The following SGCD variants were observed in gnomAD, a reference collection of about 807,000 sequenced individuals.
SGCD encodes the protein delta-sarcoglycan.
SGCD carries 18 observed loss-of-function variants against 36.6 expected under a neutral mutation model. That is an observed-to-expected ratio of 0.49 (90% CI 0.34 to 0.73). The LOEUF is 0.73. Ranked by LOEUF, SGCD falls within the 30% of genes least tolerant of loss-of-function variation. The pLI, the probability that SGCD is intolerant of heterozygous loss-of-function variation, is 0.01. For missense variants in SGCD, 387 were observed against 346.7 expected, an observed-to-expected ratio of 1.12 and a Z score of -0.92; for synonymous variants, 133 against 130.6, an observed-to-expected ratio of 1.02 and a Z score of -0.12.
At chr5:156,602,032 G>A (rs1761215511) in intron 6 of SGCD, among the ~76,000 whole-genome samples, 1 of 152,076 alleles carries the variant, frequency 6.6e-6, no homozygotes, top group Admixed American at 6.6e-5. Flanking sequence ...GAATGTTTTG[G>A]GTAGTATGGA....
intron 1 of SGCD, among the ~76,000 whole-genome samples, chr5:155,907,751 G>C (rs77632372): frequency 6.6e-6 from 1 of 152,130 alleles, no homozygotes; most frequent in African/African-American, 2.4e-5. Flanking sequence ...CCTACTCCTG[G>C]TGAGGATGCT....
the SGCD span, among the ~76,000 whole-genome samples, chr5:155,865,071 G>A: frequency 2.1e-5 from 3 of 141,642 alleles, no homozygotes; most frequent in Non-Finnish European, 3.1e-5. Flanking sequence ...ATTTATGTGG[G>A]TTATACATAG....
At chr5:156,356,104 C>T (rs1769478993) in intron 3 of SGCD, among the ~76,000 whole-genome samples, 1 of 152,180 alleles carries the variant, frequency 6.6e-6, no homozygotes, top group Non-Finnish European at 1.5e-5. Context: ...CATTTAATTA[C>T]TTAATGAATA....
intron 5 of SGCD, among the ~76,000 whole-genome samples, chr5:156,590,887 CTCT>C (rs1188024661): frequency 2.6e-5 from 4 of 151,554 alleles, no homozygotes; most frequent in Middle Eastern, 3.4e-3. Flanking sequence ...CTTCTCGTCT[CTCT>C]TCTTCTTCCT....
chr5:156,681,188 C>T (rs555879503), intron 7 of SGCD, among the ~76,000 whole-genome samples: 3 of 152,256 alleles, frequency 2.0e-5, no homozygotes, highest in East Asian at 1.9e-4. Flanking sequence ...TCAGGTCACA[C>T]GAACTGTTTG....
chr5:155,772,094 G>A, the SGCD span, among the ~76,000 whole-genome samples: 1 of 152,118 alleles, frequency 6.6e-6, no homozygotes, highest in African/African-American at 2.4e-5. Context: ...TGGGAAGTAG[G>A]GCTGGCAGTA....
intron 1 of SGCD, among the ~76,000 whole-genome samples, chr5:156,027,229 A>C (rs533601113): frequency 1.1e-4 from 17 of 152,310 alleles, no homozygotes; most frequent in African/African-American, 1.4e-4. Context: ...TGATATTCCA[A>C]ACTCTTCTTC....
chr5:155,729,047 G>T, the SGCD span, among the ~76,000 whole-genome samples: 2 of 152,232 alleles, frequency 1.3e-5, no homozygotes, highest in African/African-American at 4.8e-5. Flanking sequence ...TTGCATGGAC[G>T]GCAAAGAGAC....
At chr5:156,142,356 T>C (rs925904816) in intron 3 of SGCD, among the ~76,000 whole-genome samples, 1 of 152,204 alleles carries the variant, frequency 6.6e-6, no homozygotes, top group African/African-American at 2.4e-5. Flanking sequence ...AACAGACTAA[T>C]ACAGAAAATT....
At chr5:155,752,752 C>T in the SGCD span, among the ~76,000 whole-genome samples, 2 of 152,166 alleles carry the variant, frequency 1.3e-5, no homozygotes, top group Non-Finnish European at 2.9e-5. Context: ...TAGTAGATGA[C>T]CCTCCATCAA....
chr5:156,554,127 A>G (rs1758907210), intron 4 of SGCD, among the ~76,000 whole-genome samples: 1 of 152,068 alleles, frequency 6.6e-6, no homozygotes, highest in Non-Finnish European at 1.5e-5. Context: ...AAGCCAAGGC[A>G]GTCAGATCAC....
intron 1 of SGCD, among the ~76,000 whole-genome samples, chr5:156,035,661 T>G (rs1759470788): frequency 6.6e-6 from 1 of 152,076 alleles, no homozygotes; most frequent in African/African-American, 2.4e-5. Context: ...GGGGTGGCTA[T>G]TTAGGTGGTT....
chr5:156,370,788 AAGT>A (rs548652806), intron 3 of SGCD, among the ~76,000 whole-genome samples: 401 of 152,266 alleles, frequency 2.6e-3, no homozygotes, highest in African/African-American at 9.2e-3. Context: ...AAAAAACAAA[AAGT>A]AGAGGGGAGA....
chr5:156,534,630 G>A (rs1349675595), intron 4 of SGCD, among the ~76,000 whole-genome samples: 1 of 152,176 alleles, frequency 6.6e-6, no homozygotes, highest in Non-Finnish European at 1.5e-5. Context: ...ATATAGCATA[G>A]TAGCAAAGTA....
intron 3 of SGCD, among the ~76,000 whole-genome samples, chr5:156,278,374 A>C (rs767062974): frequency 6.6e-6 from 1 of 152,192 alleles, no homozygotes; most frequent in Non-Finnish European, 1.5e-5. Context: ...TCTTGCCTGC[A>C]CTGATTGAAG....
At chr5:156,348,951 A>G (rs1023094810) in intron 3 of SGCD, among the ~76,000 whole-genome samples, 1 of 152,156 alleles carries the variant, frequency 6.6e-6, no homozygotes, top group Non-Finnish European at 1.5e-5. Context: ...AAAACCTAAT[A>G]TTTAAAATCA....
At chr5:156,743,121 T>C (rs1286273439) in intron 7 of SGCD, among the ~76,000 whole-genome samples, 1 of 151,534 alleles carries the variant, frequency 6.6e-6, no homozygotes, top group East Asian at 1.9e-4. Context: ...TTTTTTTTTT[T>C]TTTTTTTGAG....
the SGCD span, among the ~76,000 whole-genome samples, chr5:155,735,904 C>T: frequency 6.6e-6 from 1 of 152,066 alleles, no homozygotes; most frequent in Non-Finnish European, 1.5e-5. Context: ...TGTGATATTT[C>T]AAGAATTAGA....
intron 1 of SGCD, among the ~76,000 whole-genome samples, chr5:156,052,997 C>A (rs1218636100): frequency 6.8e-6 from 1 of 146,208 alleles, no homozygotes; most frequent in Non-Finnish European, 1.5e-5. Context: ...CTTCCCTTCC[C>A]ACAGGTCCAC....
Sources: gnomAD v4.1 joint callset for allele counts (sites outside exome capture counted in the v4.1 genomes callset) on GRCh38, gnomAD v4.1.1 for gene constraint, MANE v1.5 for transcripts, NCBI Gene and HGNC (gene_info 2026-07-23, HGNC 2026-07-21) for gene names.